The following SPON1 variants were observed in gnomAD, a reference collection of about 807,000 sequenced individuals.
The protein encoded by SPON1 is spondin-1.
A neutral mutation model predicts 111.7 loss-of-function variants in SPON1; 52 were observed. The ratio of observed to expected loss-of-function variants is 0.47; its 90% confidence interval spans 0.37 to 0.59. The LOEUF is 0.59. Ranked by LOEUF, SPON1 falls within the 20% of genes least tolerant of loss-of-function variation. The probability of loss-of-function intolerance (pLI) is 0.00; values close to 1 mark genes in which losing one functional copy is unlikely to be tolerated. For synonymous variants in SPON1, 410 were observed against 395.8 expected (o/e 1.04, Z -0.43); for missense variants, 957 against 1,068.5 (o/e 0.90, Z 1.46).
intron 6 of SPON1, among the ~76,000 whole-genome samples, chr11:14,170,755 G>C (rs1285275703): frequency 6.6e-6 from 1 of 152,150 alleles, no homozygotes; most frequent in Non-Finnish European, 1.5e-5. Flanking sequence ...AGATAATCAT[G>C]TGGCTTTTGT....
intron 6 of SPON1, among the ~76,000 whole-genome samples, chr11:14,191,661 A>G (rs1285704896): frequency 1.3e-5 from 2 of 152,202 alleles, no homozygotes; most frequent in African/African-American, 2.4e-5. Context: ...AAACCCATCA[A>G]GAGAATTGTG....
At chr11:14,107,116 T>C (rs1215287370) in intron 5 of SPON1, among the ~76,000 whole-genome samples, 3 of 152,136 alleles carry the variant, frequency 2.0e-5, no homozygotes, top group Non-Finnish European at 4.4e-5. Flanking sequence ...GAAAGAACAA[T>C]GAAAAGCAGA....
At chr11:14,179,851 A>G (rs7480737) in intron 6 of SPON1, among the ~76,000 whole-genome samples, 67,962 of 151,848 alleles carry the variant, frequency 0.45, 15,398 homozygotes, top group East Asian at 0.55. Flanking sequence ...GAAAACAGGA[A>G]TTTAGGCTCT....
At chr11:14,206,897 T>C (rs1848523105) in intron 6 of SPON1, among the ~76,000 whole-genome samples, 2 of 152,082 alleles carry the variant, frequency 1.3e-5, no homozygotes, top group Admixed American at 6.6e-5. Context: ...TTAAAATTCA[T>C]GTGAAACCAA....
intron 2 of SPON1, among the ~76,000 whole-genome samples, chr11:13,995,824 T>G (rs185968273): frequency 6.6e-6 from 1 of 152,340 alleles, no homozygotes; most frequent in African/African-American, 2.4e-5. Context: ...AATATTACCA[T>G]TTTCTATATG....
intron 5 of SPON1, among the ~76,000 whole-genome samples, chr11:14,130,898 A>T (rs1242204946): frequency 2.0e-5 from 3 of 151,918 alleles, no homozygotes; most frequent in Non-Finnish European, 4.4e-5. Context: ...TCTCACTCAT[A>T]TCTCATCAAT....
chr11:14,123,655 T>C (rs1847422691), intron 5 of SPON1, among the ~76,000 whole-genome samples: 1 of 152,216 alleles, frequency 6.6e-6, no homozygotes, highest in African/African-American at 2.4e-5. Context: ...GGGACTTCTA[T>C]GCATATTCTG....
intron 3 of SPON1, among the ~76,000 whole-genome samples, chr11:14,048,789 C>G (rs548021184): frequency 6.6e-6 from 1 of 152,332 alleles, no homozygotes; most frequent in African/African-American, 2.4e-5. Context: ...ACCCTTCAGT[C>G]TGACAAAAGT....
intron 1 of SPON1, among the ~76,000 whole-genome samples, chr11:13,966,260 T>G (rs1848015594): frequency 1.3e-5 from 2 of 152,166 alleles, no homozygotes; most frequent in South Asian, 4.2e-4. Context: ...AGGCCTGCTC[T>G]GTTTCTGGCC....
intron 6 of SPON1, among the ~76,000 whole-genome samples, chr11:14,208,597 A>G (rs782156981): frequency 5.3e-5 from 8 of 152,158 alleles, no homozygotes; most frequent in Admixed American, 1.3e-4. Flanking sequence ...ATCTCATGCA[A>G]TCTTCATTCT....
intron 6 of SPON1, among the ~76,000 whole-genome samples, chr11:14,153,142 C>A (rs146089849): frequency 3.3e-5 from 5 of 152,296 alleles, no homozygotes; most frequent in African/African-American, 1.2e-4. Context: ...CAATCTTTTA[C>A]AACATACATC....
chr11:14,025,511 G>A (rs1848511129), intron 2 of SPON1, among the ~76,000 whole-genome samples: 1 of 152,184 alleles, frequency 6.6e-6, no homozygotes, highest in African/African-American at 2.4e-5. Context: ...CCCTTAGGAG[G>A]TCACTGCTGC....
intron 6 of SPON1, among the ~76,000 whole-genome samples, chr11:14,178,421 CA>C (rs35221896): frequency 0.47 from 57,809 of 123,738 alleles, 11,551 homozygotes; most frequent in East Asian, 0.55. Flanking sequence ...GACTCCGTCT[CA>C]AAAAAAAAAA....
intron 2 of SPON1, among the ~76,000 whole-genome samples, chr11:14,036,702 GA>G (rs1591358034): frequency 6.6e-6 from 1 of 152,086 alleles, no homozygotes; most frequent in Non-Finnish European, 1.5e-5. Context: ...TACAGATAAA[GA>G]ATCAAGTCAG....
intron 6 of SPON1, among the ~76,000 whole-genome samples, chr11:14,174,631 T>C (rs1160426371): frequency 6.6e-6 from 1 of 150,810 alleles, no homozygotes; most frequent in African/African-American, 2.4e-5. Context: ...TTAGGGCCTC[T>C]CCTGTGTGCA....
In SPON1 at chr11:14,243,346, C is replaced by T; in HGVS notation, c.840C>T (p.Leu280=). Residue 280 remains leucine, a synonymous_variant, in exon 7 of 16, where the codon CTC becomes CTT. Transcript: ENST00000576479. ...EEIRQQSDEV[L]TVIKAKAQWP... is the part of the protein sequence containing the mutation. ...CTTTTTTGCAGAGTGATGAGGTCCT[C>T]ACCGTCATCAAAGCCAAAGCCCAAT... The T allele has an allele frequency of 6.3e-7, 1 of 1,584,044 alleles. No individual in the cohort carries two copies. The highest frequency in any genetic ancestry group is 8.6e-7 in the Non-Finnish European group (1 of 1,164,510).
chr11:14,052,032 T>A (rs1168265827), intron 3 of SPON1, among the ~76,000 whole-genome samples: 1 of 152,202 alleles, frequency 6.6e-6, no homozygotes, highest in Non-Finnish European at 1.5e-5. Flanking sequence ...CTGACTAAGC[T>A]TGACTCCCCT....
At chr11:14,215,212 C>T (rs1264482961) in intron 6 of SPON1, among the ~76,000 whole-genome samples, 1 of 152,044 alleles carries the variant, frequency 6.6e-6, no homozygotes, top group African/African-American at 2.4e-5. Flanking sequence ...TGCACCACAC[C>T]CAGCCCACTC....
At chr11:14,130,334 G>A (rs1222311030) in intron 5 of SPON1, among the ~76,000 whole-genome samples, 2 of 152,210 alleles carry the variant, frequency 1.3e-5, no homozygotes, top group Non-Finnish European at 2.9e-5. Flanking sequence ...TGTGGTGGGT[G>A]CTGAGTGCCC....
Sources: gnomAD v4.1 joint callset for allele counts (sites outside exome capture counted in the v4.1 genomes callset) on GRCh38, gnomAD v4.1.1 for gene constraint, MANE v1.5 for transcripts, NCBI Gene and HGNC (gene_info 2026-07-23, HGNC 2026-07-21) for gene names.